Variants in DCDC2B observed in about 807,000 individuals in gnomAD.
DCDC2B encodes the protein doublecortin domain-containing protein 2B.
In DCDC2B, 41 loss-of-function variants were observed where a neutral mutation model predicts 38.9. That is an observed-to-expected ratio of 1.05 (90% CI 0.82 to 1.37). DCDC2B has a LOEUF of 1.37. DCDC2B is among the 40% of genes most tolerant of loss of function. The pLI, the probability that DCDC2B is intolerant of heterozygous loss-of-function variation, is 0.00. For synonymous variants in DCDC2B, 181 were observed against 171.9 expected (o/e 1.05, Z -0.41); for missense variants, 453 against 427.2 (o/e 1.06, Z -0.53).
rs750682144 is a variant in DCDC2B, at chr1:32,211,845, C to G, written c.395+8C>G. On this transcript the variant is annotated splice_region_variant and intron_variant, in intron 3 of 8. Coordinates refer to ENST00000409358, the MANE Select transcript of DCDC2B (RefSeq NM_001099434.2). ...TGCTCCCAGCTATATCCAGTGAGTG[C>G]CAGTGTGAGGGAGCAGGGGTGTTGA... 8 of 1,604,734 alleles carry G rather than the reference C, an allele frequency of 5.0e-6. No individual in the cohort carries two copies. Among genetic ancestry groups the G allele is most frequent in the Non-Finnish European group, 6.8e-6 (8 of 1,175,750 alleles).
intron 7 of DCDC2B, 100 bp from the exon 8 acceptor site, chr1:32,215,340 C>A: frequency 5.0e-6 from 5 of 1,009,870 alleles, no homozygotes; most frequent in Non-Finnish European, 7.2e-6. Flanking sequence ...AATGCAGAAC[C>A]AGGTTCAGGG....
Position 32,209,130 on chromosome 1 carries a change from G to A in DCDC2B, c.37G>A (p.Val13Met), listed in dbSNP as rs969163049. 26 of 1,613,836 alleles carry A rather than the reference G, an allele frequency of 1.6e-5. No individual in the cohort carries two copies. The highest frequency in any genetic ancestry group is 2.2e-5 in the Non-Finnish European group (26 of 1,179,876). Residue 13 changes from valine to methionine, a missense_variant, in exon 1 of 9, where the codon GTG becomes ATG. Physicochemically the swap from Val to Met is conservative, Grantham distance 21 (BLOSUM62 1). Coordinates refer to ENST00000409358, the MANE Select transcript of DCDC2B (RefSeq NM_001099434.2). ...CAGTCCAGCAGCCAAGAGGGTAGTG[G>A]TGTACCGGAATGGGGACCCATTCTT... ...GGSPAAKRVV[V>M]YRNGDPFFPG...
intron 8 of DCDC2B, 35 bp downstream of exon 8, chr1:32,215,578 T>C (rs1013850068): frequency 3.8e-6 from 6 of 1,595,444 alleles, no homozygotes; most frequent in Non-Finnish European, 5.1e-6. Flanking sequence ...TATGTTGGGG[T>C]GGGAGGAGCT....
chr1:32,214,648 A>C, intron 6 of DCDC2B, 149 bp from the exon 7 acceptor site: 2 of 1,145,586 alleles, frequency 1.7e-6, no homozygotes, highest in South Asian at 3.2e-5. Context: ...AAGAGGCAGC[A>C]AGGAGGGAGG....
At chr1:32,215,772 C>T (rs1638331032) in intron 8 of DCDC2B, 30 bp from the exon 9 acceptor site, 1 of 1,508,460 alleles carries the variant, frequency 6.6e-7, no homozygotes, top group Non-Finnish European at 9.0e-7. Context: ...ACTCACGGCT[C>T]CATTCTGTAT....
Position 32,212,491 on chromosome 1 carries a change from C to T in DCDC2B, c.529C>T (p.Leu177Phe). Residue 177 changes from leucine (L) to phenylalanine (F), a missense_variant and splice_region_variant, in exon 5 of 9, where the codon CTC becomes TTC. Leu to Phe is a conservative substitution (Grantham distance 22). Transcript: ENST00000409358. ...VKLQSGAVCKLCTLEGLPLSA... is the reference protein window; with the variant it reads ...VKLQSGAVCKFCTLEGLPLSA... ...ATCCTCCTCACCTCTCTCTCCCAGA[C>T]TCTGCACCCTAGAGGGGCTCCCACT... The T allele has an allele frequency of 6.2e-7, 1 of 1,613,918 alleles. No individual in the cohort carries two copies. Among genetic ancestry groups the T allele is most frequent in the East Asian group, 2.2e-5 (1 of 44,890 alleles).
At position 32,211,333 on chromosome 1, in the gene DCDC2B, G is replaced by A. The variant is rs572238102; in HGVS notation, c.318+10G>A. ...GAGCTGCAGACTACAAGTGAGTCCC[G>A]GGGAACCTGTGCCCCAGCCCCTCTG... On this transcript the variant is annotated intron_variant, in intron 2 of 8. Transcript: ENST00000409358. 72 of 1,613,520 alleles carry A rather than the reference G, an allele frequency of 4.5e-5. No homozygotes were observed. The East Asian group carries it at 7.8e-4, about 17-fold the overall frequency.
intron 7 of DCDC2B, chr1:32,215,235 A>C (rs1638278263): frequency 1.7e-6 from 1 of 599,816 alleles, no homozygotes; most frequent in Non-Finnish European, 2.9e-6. Flanking sequence ...GGCAGTGCTT[A>C]AAGCGATAAG....
chr1:32,212,339 G>A, intron 4 of DCDC2B, 138 bp downstream of exon 4: 1 of 1,524,084 alleles, frequency 6.6e-7, no homozygotes, highest in Non-Finnish European at 8.9e-7. Flanking sequence ...CTGGGAGAGG[G>A]CCCTCTGCCC....
intron 7 of DCDC2B, 101 bp downstream of exon 7, chr1:32,215,033 C>G: frequency 7.0e-7 from 1 of 1,425,340 alleles, no homozygotes; most frequent in Non-Finnish European, 9.4e-7. Context: ...GCAGAATGCT[C>G]AGACACAAAG....
At chr1:32,215,611 T>G (rs1569782238) in intron 8 of DCDC2B, 68 bp downstream of exon 8, 1 of 1,460,448 alleles carries the variant, frequency 6.8e-7, no homozygotes, top group East Asian at 2.3e-5. Context: ...CTGGCAGCCT[T>G]GGGCCCCAGG....
intron 1 of DCDC2B, 101 bp downstream of exon 1, chr1:32,209,460 T>C: frequency 6.6e-7 from 1 of 1,504,426 alleles, no homozygotes; most frequent in Non-Finnish European, 8.9e-7. Flanking sequence ...TACTGGTACT[T>C]ACTGAACTCT....
At position 32,211,763 on chromosome 1, in the gene DCDC2B, T is replaced by G; in HGVS notation, c.321T>G (p.Gly107=). ...TGGAGGCCTGACATGGGTTTCAGGG[T>G]CCTCCCGTGACTCGCCACTTGTGTG... The part of the protein sequence containing the change: ...DPGGKSCRLQ[G]PPVTRHLCDG... The change falls in exon 3 of 9, where the codon GGT becomes GGG. Residue 107 remains glycine, a splice_region_variant and synonymous_variant. Transcript: ENST00000409358. 2.5e-6 allele frequency: 4 copies of G among 1,605,904 alleles called. No homozygotes were observed. The highest frequency in any genetic ancestry group is 1.1e-5 in the South Asian group (1 of 89,176).
intron 7 of DCDC2B, 59 bp from the exon 8 acceptor site, chr1:32,215,381 G>A (rs1053279213): frequency 1.4e-6 from 2 of 1,417,682 alleles, no homozygotes; most frequent in Admixed American, 2.0e-5. Flanking sequence ...AAGGTCCAGG[G>A]CAGGAATGCT....
At position 32,212,167 on chromosome 1, in the gene DCDC2B, GAGA is replaced by G. The variant is rs1357824015; in HGVS notation, c.496_498del (p.Lys166del). The G allele has an allele frequency of 5.0e-6, 8 of 1,613,752 alleles. No individual in the cohort carries two copies. The highest frequency in any genetic ancestry group is 1.7e-5 in the Admixed American group (1 of 60,022). On this transcript the variant is annotated inframe_deletion, in exon 4 of 9. Coordinates refer to ENST00000409358, the MANE Select transcript of DCDC2B (RefSeq NM_001099434.2). ...GGAAACTGTGTTGAAGCTCCTGACT[GAGA>G]AGGTCAAGTTGCAGAGTGGGGCTGT...
Position 32,209,540 on chromosome 1 carries a change from A to G in DCDC2B, c.266+181A>G, listed in dbSNP as rs540603264. 2.0e-5 allele frequency among the ~76,000 whole-genome samples: 3 copies of G among 152,284 alleles called. No individual in the cohort carries two copies. The East Asian group carries it at 5.8e-4, about 29-fold the overall frequency. On this transcript the variant is annotated intron_variant, in intron 1 of 8. Coordinates refer to ENST00000409358, the MANE Select transcript of DCDC2B (RefSeq NM_001099434.2). ...CAGAAAACCTGCCTAAAAGTACATA[A>G]CAAATAGTTGAACTGAAATTCAAAT...
rs1638334102 is a variant in DCDC2B at position 32,215,799 on chromosome 1, C to G, written c.955-3C>G. 3 of 1,549,938 alleles carry G rather than the reference C, an allele frequency of 1.9e-6. No individual in the cohort carries two copies. The African/African-American group carries it at 4.1e-5, about 21-fold the overall frequency. ...ATTCTGTATGGCCTTCCACCTCCTGCAGAGGGCAGCACAGATAGTGGAAGA... is the reference window on the plus strand; with the variant it reads ...ATTCTGTATGGCCTTCCACCTCCTGGAGAGGGCAGCACAGATAGTGGAAGA... On this transcript the variant is annotated splice_polypyrimidine_tract_variant and splice_region_variant and intron_variant, in intron 8 of 8. Coordinates refer to ENST00000409358, the MANE Select transcript of DCDC2B (RefSeq NM_001099434.2).
At chr1:32,211,700 G>A in intron 2 of DCDC2B, 61 bp from the exon 3 acceptor site, 1 of 1,537,006 alleles carries the variant, frequency 6.5e-7, no homozygotes, top group South Asian at 1.2e-5. Flanking sequence ...CACCTTGGAT[G>A]GGCCCACCCC....
At chr1:32,209,481 G>T (rs187561475) in intron 1 of DCDC2B, 122 bp downstream of exon 1, 1 of 1,422,906 alleles carries the variant, frequency 7.0e-7, no homozygotes, top group African/African-American at 1.4e-5. Flanking sequence ...ATGTAGGGGG[G>T]GTGGTTTTGC....
Sources: gnomAD v4.1 joint callset for allele counts (sites outside exome capture counted in the v4.1 genomes callset) on GRCh38, gnomAD v4.1.1 for gene constraint, MANE v1.5 for transcripts, NCBI Gene and HGNC (gene_info 2026-07-23, HGNC 2026-07-21) for gene names.